DOC2A: variants seen among roughly 807,000 people sequenced by gnomAD.
The protein encoded by DOC2A is double C2 domain alpha.
In DOC2A, 28 loss-of-function variants were observed where a neutral mutation model predicts 40.6. That is an observed-to-expected ratio of 0.69 (90% CI 0.51 to 0.95). The LOEUF (loss-of-function observed/expected upper bound fraction) is 0.95, where lower values mean the gene tolerates loss of function less well. Among genes scored for constraint, DOC2A ranks in the 40% least tolerant of loss-of-function variants. The pLI is 0.00. For missense variants in DOC2A, 474 were observed against 552.5 expected (o/e 0.86, Z 1.42); for synonymous variants, 241 against 236.9 (o/e 1.02, Z -0.16).
upstream of DOC2A, among the ~76,000 whole-genome samples, chr16:30,017,172 G>A (rs910233874): frequency 3.3e-5 from 5 of 152,000 alleles, no homozygotes; most frequent in East Asian, 1.9e-4. Context: ...CCAGCTACTC[G>A]GGAGGCTGAG....
upstream of DOC2A, chr16:30,021,753 G>C (rs994608286): frequency 6.6e-6 from 1 of 152,186 alleles, no homozygotes; most frequent in Non-Finnish European, 1.5e-5. Flanking sequence ...TACTCCTCTC[G>C]GTTCCTAACC....
upstream of DOC2A, among the ~76,000 whole-genome samples, chr16:30,013,026 T>A (rs1411488474): frequency 6.6e-6 from 1 of 151,446 alleles, no homozygotes; most frequent in African/African-American, 2.4e-5. Flanking sequence ...CAAAAAACCC[T>A]GAGATATCAC....
Sources: allele counts gnomAD v4.1 joint callset (sites outside exome capture counted in the v4.1 genomes callset), GRCh38; gene constraint gnomAD v4.1.1; transcripts MANE v1.5; gene names NCBI Gene and HGNC (gene_info 2026-07-23, HGNC 2026-07-21).